The following TEX14 variants were observed in gnomAD, a reference collection of about 807,000 sequenced individuals.
The protein encoded by TEX14 is inactive serine/threonine-protein kinase TEX14.
Under a neutral mutation model 178.6 loss-of-function variants are expected in TEX14, and 168 were observed. That is an observed-to-expected ratio of 0.94 (90% CI 0.83 to 1.07). TEX14 has a LOEUF of 1.07. Ranked by LOEUF, TEX14 falls within the 50% of genes least tolerant of loss-of-function variation. TEX14 has a pLI of 0.00. For synonymous variants in TEX14, 626 were observed against 634.1 expected, an observed-to-expected ratio of 0.99 and a Z score of 0.19; for missense variants, 1,730 against 1,753.6, an observed-to-expected ratio of 0.99 and a Z score of 0.24.
At chr17:58,565,726 C>CA (rs1299448211) in intron 27 of TEX14, 21 bp downstream of exon 27, 1 of 1,579,796 alleles carries the variant, frequency 6.3e-7, no homozygotes, top group Non-Finnish European at 8.7e-7. Flanking sequence ...CTGATGAAAA[C>CA]AATCTAGGTA....
rs1213141127 is a variant in TEX14 at position 58,622,847 on chromosome 17, C to A, written c.417G>T (p.Gln139His). 1 of 1,605,162 alleles carries A rather than the reference C, an allele frequency of 6.2e-7. No individual in the cohort carries two copies. The highest frequency in any genetic ancestry group is 8.5e-7 in the Non-Finnish European group (1 of 1,173,596). The change falls in exon 4 of 32, where the codon CAG becomes CAT. Residue 139 changes from glutamine to histidine, a missense_variant and splice_region_variant. Around this residue, in one of 2 missense-constraint regions of TEX14, gnomAD observed 789 missense variants for 681.2 expected, o/e 1.16. Transcript: ENST00000349033. ...ALTAGKERSTQIVEFMQRCAS... is the reference protein window; with the variant it reads ...ALTAGKERSTHIVEFMQRCAS... ...GCTACAGAGTGGGACCCACCCTTAC[C>A]TGGGTGCTACGCTCCTTTCCTGCTG... is the stretch of plus-strand genomic sequence containing the variant.
intron 30 of TEX14, 109 bp downstream of exon 30, chr17:58,559,344 A>G: frequency 3.4e-6 from 2 of 593,438 alleles, no homozygotes; most frequent in Non-Finnish European, 3.0e-6. Flanking sequence ...ATAAATTATC[A>G]AAGGTAGGAG....
chr17:58,605,107 C>A lies in TEX14; in HGVS notation c.1207G>T (p.Asp403Tyr), dbSNP rs1443702003. ...GTAGGAAGGGGCACTCGAGTCAGGTCCCTCTGTACACCTCTGTCCTCGCTA... is the reference window on the plus strand; with the variant it reads ...GTAGGAAGGGGCACTCGAGTCAGGTACCTCTGTACACCTCTGTCCTCGCTA... ...LESEDRGVQRDLTRVPLPTQL... is the reference protein window; with the variant it reads ...LESEDRGVQRYLTRVPLPTQL... The change falls in exon 11 of 32, where the codon GAC becomes TAC. Residue 403 changes from aspartate (D) to tyrosine (Y), a missense_variant. Transcript: ENST00000349033. 1 of 1,614,158 alleles carries A rather than the reference C, an allele frequency of 6.2e-7. No individual in the cohort carries two copies. The highest frequency in any genetic ancestry group is 1.7e-5 in the Admixed American group (1 of 60,020).
intron 1 of TEX14, among the ~76,000 whole-genome samples, chr17:58,676,453 G>A (rs1409229505): frequency 2.6e-5 from 4 of 151,144 alleles, no homozygotes; most frequent in East Asian, 1.9e-4. Flanking sequence ...TCAGCTACTC[G>A]GGAGGCTGAG....
chr17:58,599,475 C>T lies in TEX14; in HGVS notation c.1870G>A (p.Glu624Lys), dbSNP rs1236929313. Reference sequence around the variant, plus strand: ...AAAATCAAGCAGCCTGAGTAGATCTCGTTGATTTCGAAACTGCAGAGGCTT... The same window carrying T: ...AAAATCAAGCAGCCTGAGTAGATCTTGTTGATTTCGAAACTGCAGAGGCTT... The part of the protein sequence containing the change: ...QPSLCSFEIN[E>K]IYSGCLILED... The change falls in exon 14 of 32, where the codon GAG becomes AAG. Residue 624 changes from glutamate to lysine, a missense_variant. Coordinates refer to ENST00000349033, the MANE Select transcript of TEX14 (RefSeq NM_031272.5). 1.9e-6 allele frequency: 3 copies of T among 1,613,886 alleles called. No individual in the cohort carries two copies. The highest frequency in any genetic ancestry group is 1.7e-5 in the Admixed American group (1 of 59,964).
At chr17:58,641,893 G>T (rs1017651862) in intron 2 of TEX14, among the ~76,000 whole-genome samples, 1 of 152,170 alleles carries the variant, frequency 6.6e-6, no homozygotes, top group Admixed American at 6.6e-5. Context: ...TTTCATAGAT[G>T]CTGGGTATAG....
chr17:58,687,767 T>G (rs2047626430), intron 1 of TEX14, among the ~76,000 whole-genome samples: 1 of 152,214 alleles, frequency 6.6e-6, no homozygotes, highest in Non-Finnish European at 1.5e-5. Context: ...AAATGTCTCG[T>G]TATTGGAATA....
At position 58,565,720 on chromosome 17, in the gene TEX14, T is replaced by C. The variant is rs200134545; in HGVS notation, c.3964+27A>G. Reference sequence around the variant, plus strand: ...CAAGGACAGCGTTAAAAGAACCTGATGAAAACAATCTAGGTAGTTCACTTA... The same window carrying C: ...CAAGGACAGCGTTAAAAGAACCTGACGAAAACAATCTAGGTAGTTCACTTA... On this transcript the variant is annotated intron_variant, in intron 27 of 31. Coordinates refer to ENST00000349033, the MANE Select transcript of TEX14 (RefSeq NM_031272.5). The C allele has an allele frequency of 3.3e-5, 52 of 1,564,714 alleles. No individual in the cohort carries two copies. The East Asian group carries it at 1.1e-3, about 33-fold the overall frequency.
rs555374466 is a variant in TEX14 at position 58,578,776 on chromosome 17, G to A, written c.3238+889C>T. 1.1e-4 allele frequency among the ~76,000 whole-genome samples: 17 copies of A among 152,312 alleles called. No individual in the cohort carries two copies. In the South Asian group the frequency reaches 3.1e-3, roughly 28 times the overall value. On this transcript the variant is annotated intron_variant, in intron 20 of 31. Coordinates refer to ENST00000349033, the MANE Select transcript of TEX14 (RefSeq NM_031272.5). The stretch of plus-strand genomic sequence containing the variant: ...AATACATATTATGCTGAGACTTTAA[G>A]TAAAAGTTGATCTAAAAGCTTACAG...
At chr17:58,598,073 G>T (rs2144464348) in intron 14 of TEX14, among the ~76,000 whole-genome samples, 1 of 152,242 alleles carries the variant, frequency 6.6e-6, no homozygotes, top group South Asian at 2.1e-4. Flanking sequence ...CAACACTTTG[G>T]GAGGCCGAGG....
intron 15 of TEX14, among the ~76,000 whole-genome samples, chr17:58,589,071 C>T (rs1446364442): frequency 2.0e-5 from 3 of 151,390 alleles, no homozygotes; most frequent in Non-Finnish European, 4.4e-5. Context: ...TTGAGGTGAG[C>T]CTGGCCAACA....
chr17:58,599,777 T>G, intron 13 of TEX14, 111 bp from the exon 14 acceptor site: 1 of 835,970 alleles, frequency 1.2e-6, no homozygotes, highest in East Asian at 2.6e-5. Flanking sequence ...AAAAAGTTTT[T>G]TATTTTCCCA....
intron 9 of TEX14, among the ~76,000 whole-genome samples, chr17:58,612,027 A>T (rs933004104): frequency 6.6e-6 from 1 of 152,128 alleles, no homozygotes; most frequent in African/African-American, 2.4e-5. Context: ...GTCATGGAGG[A>T]AAAAAACCTA....
intron 20 of TEX14, 62 bp downstream of exon 20, chr17:58,579,603 G>T: frequency 2.2e-6 from 3 of 1,391,148 alleles, no homozygotes; most frequent in South Asian, 1.2e-5. Context: ...AAACATCTGT[G>T]ATCCAACAGA....
At position 58,659,312 on chromosome 17, in the gene TEX14, C is replaced by G. The variant is rs149209029; in HGVS notation, c.-1-7310G>C. On this transcript the variant is annotated intron_variant, in intron 1 of 31. Transcript: ENST00000349033. ...TCCCCCGCCACAAAGACATTATTTA[C>G]TTAATATTGCTAATACCTTACCATC... is the stretch of plus-strand genomic sequence containing the variant. 5.7e-5 allele frequency: 56 copies of G among 977,568 alleles called. No homozygotes were observed. In the South Asian group the frequency reaches 2.4e-3, roughly 42 times the overall value. 60.6% of individuals were successfully genotyped at this position (977,568 alleles called of 1,614,324 possible).
intron 19 of TEX14, among the ~76,000 whole-genome samples, chr17:58,583,794 TA>T (rs780683735): frequency 6.6e-6 from 1 of 152,222 alleles, no homozygotes. Context: ...CGAGAAAGAA[TA>T]AGTTGATCTT....
chr17:58,584,313 T>C (rs2044898529), intron 19 of TEX14, among the ~76,000 whole-genome samples, 187 bp downstream of exon 19: 1 of 152,234 alleles, frequency 6.6e-6, no homozygotes, highest in African/African-American at 2.4e-5. Context: ...TGAGTTGAAC[T>C]GACTTTTTAA....
chr17:58,606,397 A>C (rs2045607671), intron 10 of TEX14, among the ~76,000 whole-genome samples: 1 of 152,242 alleles, frequency 6.6e-6, no homozygotes. Context: ...TTAAAAAGCA[A>C]GTGACAGCAA....
intron 17 of TEX14, among the ~76,000 whole-genome samples, 155 bp from the exon 18 acceptor site, chr17:58,586,237 A>AT (rs35690299): frequency 0.23 from 34,411 of 152,096 alleles, 4,233 homozygotes; most frequent in South Asian, 0.33. Context: ...TTTGGCTTGA[A>AT]TGGGAGGTCA....
Sources: gnomAD v4.1 joint callset for allele counts (sites outside exome capture counted in the v4.1 genomes callset) on GRCh38, gnomAD v4.1.1 for gene constraint, gnomAD v4.1.1 regional missense constraint, MANE v1.5 for transcripts, NCBI Gene and HGNC (gene_info 2026-07-23, HGNC 2026-07-21) for gene names.